AHCY: variants seen among roughly 807,000 people sequenced by gnomAD.
AHCY encodes adenosylhomocysteinase.
AHCY carries 24 observed loss-of-function variants against 45.4 expected under a neutral mutation model. The ratio of observed to expected loss-of-function variants is 0.53; its 90% CI spans 0.38 to 0.74. AHCY has a LOEUF of 0.74. AHCY is among the 30% of genes least tolerant of loss of function. The probability of loss-of-function intolerance (pLI) is 0.00; values close to 1 mark genes in which losing one functional copy is unlikely to be tolerated. For synonymous variants in AHCY, 245 were observed against 235.1 expected (o/e 1.04, Z -0.39); for missense variants, 449 against 594.1 (o/e 0.76, Z 2.54).
chr20:34,246,981 T>G, the AHCY span, among the ~76,000 whole-genome samples: 3 of 150,528 alleles, frequency 2.0e-5, no homozygotes, highest in Non-Finnish European at 4.4e-5. Context: ...TGTTGTTGGT[T>G]TTTGTTTTTT....
At chr20:34,237,840 G>T in the AHCY span, among the ~76,000 whole-genome samples, 41,009 of 151,950 alleles carry the variant, frequency 0.27, 9,694 homozygotes, top group African/African-American at 0.64. Flanking sequence ...CCTAGTTTGT[G>T]GAGTGTTTTT....
the AHCY span, among the ~76,000 whole-genome samples, chr20:34,274,133 T>C: frequency 6.6e-6 from 1 of 152,108 alleles, no homozygotes; most frequent in African/African-American, 2.4e-5. Context: ...ACCAGAGCAA[T>C]AGTAAATATT....
At chr20:34,263,332 A>C in the AHCY span, among the ~76,000 whole-genome samples, 2 of 152,366 alleles carry the variant, frequency 1.3e-5, no homozygotes, top group African/African-American at 4.8e-5. Flanking sequence ...TGGGAGGCCA[A>C]GGTGGGTGAA....
At chr20:34,268,349 CAG>C in the AHCY span, among the ~76,000 whole-genome samples, 1 of 152,150 alleles carries the variant, frequency 6.6e-6, no homozygotes, top group South Asian at 2.1e-4. Context: ...GCGAAGTTAA[CAG>C]GGGTCGGAGA....
chr20:34,235,355 G>A, the AHCY span, among the ~76,000 whole-genome samples: 39,688 of 151,984 alleles, frequency 0.26, 9,444 homozygotes, highest in African/African-American at 0.64. Flanking sequence ...CAGGACAATC[G>A]CTTGAAGCGG....
At chr20:34,269,449 C>A in the AHCY span, 2 of 435,666 alleles carry the variant, frequency 4.6e-6, no homozygotes, top group Admixed American at 4.3e-5. Flanking sequence ...GGCGTCCCAG[C>A]CTCACAGCTG....
At chr20:34,304,337 C>A (rs1334971428), upstream of AHCY, among the ~76,000 whole-genome samples, 6 of 152,136 alleles carry the variant, frequency 3.9e-5, no homozygotes, top group African/African-American at 1.4e-4. Flanking sequence ...CTCCAAAACC[C>A]TTCTATGTTC....
chr20:34,273,909 T>A, the AHCY span, among the ~76,000 whole-genome samples: 1 of 152,214 alleles, frequency 6.6e-6, no homozygotes, highest in Non-Finnish European at 1.5e-5. Flanking sequence ...TATTAATTGA[T>A]TGCCTGCAGA....
At chr20:34,244,021 C>T in the AHCY span, among the ~76,000 whole-genome samples, 7 of 152,102 alleles carry the variant, frequency 4.6e-5, no homozygotes, top group Non-Finnish European at 1.0e-4. Flanking sequence ...GCCGAGATTG[C>T]GCCACTGCAC....
chr20:34,251,191 A>G, the AHCY span, among the ~76,000 whole-genome samples: 1 of 152,142 alleles, frequency 6.6e-6, no homozygotes, highest in African/African-American at 2.4e-5. Context: ...ACTTAGTCAG[A>G]TTCAGTCACA....
the AHCY span, among the ~76,000 whole-genome samples, chr20:34,273,457 C>T: frequency 1.3e-5 from 2 of 152,152 alleles, no homozygotes; most frequent in Non-Finnish European, 2.9e-5. Flanking sequence ...AATCCCAGAA[C>T]GGTGATCAAA....
the AHCY span, among the ~76,000 whole-genome samples, chr20:34,257,405 TG>T: frequency 6.6e-6 from 1 of 152,206 alleles, no homozygotes; most frequent in African/African-American, 2.4e-5. Flanking sequence ...ATTTCTAATT[TG>T]CCTTCCTAAT....
Position 34,291,657 on chromosome 20 carries a change from C to T in AHCY, c.446-126G>A, listed in dbSNP as rs967982710. ...CATCTCTGTGACTGATCCCACAGGC[C>T]CCCCAATCACCCAGACCCGCGTGAG... On this transcript the variant is annotated intron_variant, in intron 4 of 9. Transcript: ENST00000217426. 5 of 850,026 alleles carry T rather than the reference C, an allele frequency of 5.9e-6. No individual in the cohort carries two copies. The African/African-American group carries it at 6.7e-5, about 11-fold the overall frequency. 52.7% of individuals were successfully genotyped at this position (850,026 alleles called of 1,614,324 possible).
the AHCY span, among the ~76,000 whole-genome samples, chr20:34,250,657 C>T: frequency 6.6e-6 from 1 of 152,120 alleles, no homozygotes; most frequent in African/African-American, 2.4e-5. Context: ...ATTAGCCGGG[C>T]GTAGTGGTGC....
At chr20:34,238,527 A>G in the AHCY span, among the ~76,000 whole-genome samples, 5 of 152,010 alleles carry the variant, frequency 3.3e-5, no homozygotes, top group Non-Finnish European at 7.4e-5. Context: ...TAGGTTTTCC[A>G]TATCTCTATT....
At chr20:34,243,843 T>C in the AHCY span, among the ~76,000 whole-genome samples, 1 of 150,530 alleles carries the variant, frequency 6.6e-6, no homozygotes, top group Non-Finnish European at 1.5e-5. Context: ...GGCGGGTGGA[T>C]CATGAAGTCA....
the AHCY span, among the ~76,000 whole-genome samples, chr20:34,269,946 T>TAAAAAAAAAAAAAAA: frequency 2.0e-4 from 12 of 59,232 alleles, no homozygotes; most frequent in African/African-American, 5.4e-4. Context: ...AACTCTGTCT[T>TAAAAAAAAAAAAAAA]AAAAAAAAAA....
At chr20:34,266,298 C>A in the AHCY span, among the ~76,000 whole-genome samples, 2 of 150,240 alleles carry the variant, frequency 1.3e-5, no homozygotes, top group Middle Eastern at 3.7e-3. Flanking sequence ...TACAGTGAGC[C>A]GAGACCGTGC....
the AHCY span, among the ~76,000 whole-genome samples, chr20:34,269,946 TAAAAAAAAAAAAA>T: frequency 0.42 from 25,369 of 60,198 alleles, 3,921 homozygotes; most frequent in Admixed American, 0.61. Context: ...AACTCTGTCT[TAAAAAAAAAAAAA>T]AAAAAAAAAA....
Sources: gnomAD v4.1 joint callset for allele counts (sites outside exome capture counted in the v4.1 genomes callset) on GRCh38, gnomAD v4.1.1 for gene constraint, MANE v1.5 for transcripts, NCBI Gene and HGNC (gene_info 2026-07-23, HGNC 2026-07-21) for gene names.